The following KCNQ5 variants were observed in gnomAD, a reference collection of about 807,000 sequenced individuals.
KCNQ5 encodes the protein potassium voltage-gated channel subfamily Q member 5.
Under a neutral mutation model 98.2 loss-of-function variants are expected in KCNQ5, and 30 were observed. The ratio of observed to expected loss-of-function variants is 0.31; its 90% CI spans 0.23 to 0.41. The LOEUF (loss-of-function observed/expected upper bound fraction) is 0.41, where lower values mean the gene tolerates loss of function less well. Ranked by LOEUF, KCNQ5 falls within the 10% of genes least tolerant of loss-of-function variation. The pLI is 1.00. For synonymous variants in KCNQ5, 458 were observed against 449.4 expected, an observed-to-expected ratio of 1.02 and a Z score of -0.24; for missense variants, 835 against 1,182.5, an observed-to-expected ratio of 0.71 and a Z score of 4.31.
At chr6:73,178,289 C>CA (rs1478370655) in intron 11 of KCNQ5, among the ~76,000 whole-genome samples, 6 of 151,358 alleles carry the variant, frequency 4.0e-5, no homozygotes, top group South Asian at 2.1e-4. Flanking sequence ...GAAAATCCAA[C>CA]AAAAATCTAC....
intron 1 of KCNQ5, among the ~76,000 whole-genome samples, chr6:72,794,009 C>T (rs1230146058): frequency 6.6e-6 from 1 of 152,092 alleles, no homozygotes; most frequent in Non-Finnish European, 1.5e-5. Context: ...TTTAAAAGTT[C>T]TGTTAAATAA....
At chr6:73,006,510 G>C (rs949856772) in intron 2 of KCNQ5, among the ~76,000 whole-genome samples, 3 of 151,958 alleles carry the variant, frequency 2.0e-5, no homozygotes, top group Middle Eastern at 3.2e-3. Context: ...AAAATTATCT[G>C]GGTGTGGTGG....
rs1260169193 is a variant in KCNQ5, at chr6:72,950,660, G to A, written c.399-53248G>A. Among the ~76,000 whole-genome samples the A allele has an allele frequency of 4.1e-4, 62 of 152,088 alleles. 2 individuals carry two copies. The highest frequency in any genetic ancestry group is 3.9e-3 in the Admixed American group (59 of 15,276). On this transcript the variant is annotated intron_variant, in intron 1 of 13. Coordinates refer to ENST00000370398, the MANE Select transcript of KCNQ5 (RefSeq NM_019842.4). Reference sequence around the variant, plus strand: ...AGTGATGAGCACACAGGCATGAGCAGTCCTTCCACAGTTGTGTGTGTGTCG... The same window carrying A: ...AGTGATGAGCACACAGGCATGAGCAATCCTTCCACAGTTGTGTGTGTGTCG...
At chr6:72,976,530 C>T (rs186847678) in intron 1 of KCNQ5, among the ~76,000 whole-genome samples, 7 of 152,320 alleles carry the variant, frequency 4.6e-5, no homozygotes, top group African/African-American at 1.7e-4. Flanking sequence ...GTCTCTTCCT[C>T]ACCCTTACAA....
At chr6:72,993,986 AG>A (rs1213914111) in intron 1 of KCNQ5, among the ~76,000 whole-genome samples, 1 of 85,276 alleles carries the variant, frequency 1.2e-5, no homozygotes, top group African/African-American at 6.0e-5. Flanking sequence ...GTCAGGGGTC[AG>A]GGACCCACTT....
intron 1 of KCNQ5, among the ~76,000 whole-genome samples, chr6:72,850,554 A>G (rs985721332): frequency 3.3e-5 from 5 of 152,194 alleles, no homozygotes; most frequent in African/African-American, 1.2e-4. Context: ...GGGAATAATA[A>G]TCTTTCACAC....
intron 1 of KCNQ5, among the ~76,000 whole-genome samples, chr6:72,917,015 C>A (rs1413438409): frequency 6.6e-6 from 1 of 152,152 alleles, no homozygotes; most frequent in African/African-American, 2.4e-5. Context: ...TGAACATATT[C>A]CCTGGCCATG....
At position 72,965,098 on chromosome 6, in the gene KCNQ5, C is replaced by G. The variant is rs962344232; in HGVS notation, c.399-38810C>G. 2.6e-5 allele frequency among the ~76,000 whole-genome samples: 4 copies of G among 152,104 alleles called. No individual in the cohort carries two copies. The South Asian group carries it at 8.3e-4, about 31-fold the overall frequency. On this transcript the variant is annotated intron_variant, in intron 1 of 13. Coordinates refer to ENST00000370398, the MANE Select transcript of KCNQ5 (RefSeq NM_019842.4). ...GTGCTGGGGTTACAGGCATGCTCAG[C>G]CTTTTGTGCTTTTTGTTGATAATTT...
intron 1 of KCNQ5, among the ~76,000 whole-genome samples, chr6:72,732,282 C>G (rs1484023175): frequency 6.6e-6 from 1 of 151,670 alleles, no homozygotes; most frequent in Non-Finnish European, 1.5e-5. Context: ...ATTACAGGAA[C>G]CTGAGGAAGC....
chr6:72,676,476 C>A (rs1767412781), intron 1 of KCNQ5, among the ~76,000 whole-genome samples: 1 of 152,138 alleles, frequency 6.6e-6, no homozygotes, highest in Non-Finnish European at 1.5e-5. Flanking sequence ...TGAGAAGAAG[C>A]AGATTGGTGT....
At chr6:72,653,548 T>TA (rs1013650471) in intron 1 of KCNQ5, among the ~76,000 whole-genome samples, 4 of 152,052 alleles carry the variant, frequency 2.6e-5, no homozygotes, top group African/African-American at 9.7e-5. Context: ...TACCGTTCAT[T>TA]AAAAATATTT....
chr6:72,652,912 T>C lies in KCNQ5; in HGVS notation c.398+30325T>C, dbSNP rs923431994. Among the ~76,000 whole-genome samples, 4 of 152,036 alleles carry C rather than the reference T, an allele frequency of 2.6e-5. No individual in the cohort carries two copies. In the East Asian group the frequency reaches 7.7e-4, roughly 29 times the overall value. On this transcript the variant is annotated intron_variant, in intron 1 of 13. Coordinates refer to ENST00000370398, the MANE Select transcript of KCNQ5 (RefSeq NM_019842.4). Reference sequence around the variant, plus strand: ...GGTTAGAACTATATCACACTGAGGATTATGTGAATTTATATATACGTATAT... The same window carrying C: ...GGTTAGAACTATATCACACTGAGGACTATGTGAATTTATATATACGTATAT...
At chr6:72,909,729 T>C (rs1169966037) in intron 1 of KCNQ5, among the ~76,000 whole-genome samples, 2 of 152,194 alleles carry the variant, frequency 1.3e-5, no homozygotes, top group African/African-American at 4.8e-5. Context: ...AGCTTCCTAA[T>C]ATAGAAGACA....
At chr6:73,138,559 G>A (rs1776570352) in intron 10 of KCNQ5, among the ~76,000 whole-genome samples, 1 of 152,248 alleles carries the variant, frequency 6.6e-6, no homozygotes, top group South Asian at 2.1e-4. Context: ...AGTGGCAATA[G>A]ATCTGAAAAT....
At chr6:72,818,100 C>T (rs1170534347) in intron 1 of KCNQ5, among the ~76,000 whole-genome samples, 2 of 151,982 alleles carry the variant, frequency 1.3e-5, no homozygotes, top group Admixed American at 6.6e-5. Flanking sequence ...TTTGAATGAA[C>T]CTTAACTTAA....
intron 1 of KCNQ5, among the ~76,000 whole-genome samples, chr6:72,984,813 G>C (rs112223814): frequency 9.2e-5 from 14 of 152,282 alleles, no homozygotes; most frequent in African/African-American, 3.4e-4. Context: ...GGGAGCTGCA[G>C]ACCAGAGCTG....
At chr6:73,004,999 T>C (rs1244525480) in intron 2 of KCNQ5, among the ~76,000 whole-genome samples, 7 of 152,240 alleles carry the variant, frequency 4.6e-5, no homozygotes, top group Admixed American at 4.6e-4. Context: ...AGGGGGCAGA[T>C]GCTTTTCCTA....
chr6:72,734,052 T>C (rs12529835), intron 1 of KCNQ5, among the ~76,000 whole-genome samples: 5,275 of 152,216 alleles, frequency 0.035, 154 homozygotes, highest in Non-Finnish European at 0.054. Context: ...AGTGGCTACA[T>C]TGGAAAGAGA....
intron 1 of KCNQ5, among the ~76,000 whole-genome samples, chr6:72,763,404 T>A (rs1367208455): frequency 6.6e-6 from 1 of 152,056 alleles, no homozygotes; most frequent in African/African-American, 2.4e-5. Flanking sequence ...CTCCCACACA[T>A]AGACTCATCT....
Sources: gnomAD v4.1 joint callset for allele counts (sites outside exome capture counted in the v4.1 genomes callset) on GRCh38, gnomAD v4.1.1 for gene constraint, MANE v1.5 for transcripts, NCBI Gene and HGNC (gene_info 2026-07-23, HGNC 2026-07-21) for gene names.